FAAH2: variants seen among roughly 807,000 people sequenced by gnomAD.
FAAH2 encodes the protein fatty acid amide hydrolase 2, also known as fatty-acid amide hydrolase 2.
In FAAH2, 60 loss-of-function variants were observed where a neutral mutation model predicts 36.9. The observed-to-expected ratio is 1.63, with a 90% CI of 1.32 to 2.02. FAAH2 has a LOEUF of 2.02. Among genes scored for constraint, FAAH2 ranks in the 30% most tolerant of loss-of-function variants. The pLI, the probability that FAAH2 is intolerant of heterozygous loss-of-function variation, is 0.00. For missense variants in FAAH2, 689 were observed against 397.5 expected (o/e 1.73, Z -6.23); for synonymous variants, 214 against 143.8 (o/e 1.49, Z -3.49).
intron 10 of FAAH2, among the ~76,000 whole-genome samples, chrX:57,469,745 G>C (rs185134047): frequency 9.0e-6 from 1 of 111,431 alleles, no homozygotes; most frequent in South Asian, 3.8e-4. Context: ...TGCACCAAGC[G>C]GACCTAATAG....
chrX:57,418,985 G>C (rs1168092119), intron 7 of FAAH2, among the ~76,000 whole-genome samples: 2 of 102,784 alleles, frequency 1.9e-5, no homozygotes, highest in African/African-American at 7.2e-5. Context: ...TTTTGTCCTT[G>C]TGATAGTTTA....
intron 5 of FAAH2, among the ~76,000 whole-genome samples, chrX:57,359,289 A>G (rs1230789377): frequency 1.8e-5 from 2 of 111,302 alleles, no homozygotes; most frequent in Non-Finnish European, 3.8e-5. Flanking sequence ...CAACCTGTTT[A>G]TATAGCTTTT....
intron 3 of FAAH2, among the ~76,000 whole-genome samples, chrX:57,317,550 C>T (rs930551315): frequency 5.4e-5 from 6 of 111,383 alleles, no homozygotes; most frequent in Non-Finnish European, 9.4e-5. Context: ...GACTTAGAGT[C>T]CTACACCATA....
At chrX:57,239,893 CT>C in the FAAH2 span, among the ~76,000 whole-genome samples, 16 of 111,713 alleles carry the variant, frequency 1.4e-4, no homozygotes, top group Non-Finnish European at 2.3e-4. Context: ...CAGTTTTGTT[CT>C]TTCTTAAAAT....
the FAAH2 span, among the ~76,000 whole-genome samples, chrX:57,125,480 A>T: frequency 9.0e-6 from 1 of 111,546 alleles, no homozygotes; most frequent in Non-Finnish European, 1.9e-5. Context: ...GTATTCATGT[A>T]TTTAACAAGC....
intron 10 of FAAH2, among the ~76,000 whole-genome samples, chrX:57,484,245 C>T (rs1476174181): frequency 9.0e-6 from 1 of 111,099 alleles, no homozygotes; most frequent in Non-Finnish European, 1.9e-5. Flanking sequence ...GTGGTGTTCC[C>T]TATGCCCTGA....
chrX:57,350,569 C>G (rs2053972680), intron 5 of FAAH2, among the ~76,000 whole-genome samples: 1 of 110,486 alleles, frequency 9.1e-6, no homozygotes, highest in Non-Finnish European at 1.9e-5. Flanking sequence ...TACAGATTGA[C>G]AAAATGGTAA....
At position 57,378,761 on chromosome X, in the gene FAAH2, G is replaced by A; in HGVS notation, c.853G>A (p.Val285Ile). ...YAEDLAPMLK[V>I]MAGPGIKRLK... ...TGAAGACCTGGCCCCCATGTTGAAG[G>A]TCATGGCAGGACCTGGGATCAAAAG... is the stretch of plus-strand genomic sequence containing the variant. The change falls in exon 6 of 11, where the codon GTC becomes ATC. Residue 285 changes from valine to isoleucine, a missense_variant. Transcript: ENST00000374900. 1 of 1,210,098 alleles carries A rather than the reference G, an allele frequency of 8.3e-7. No homozygotes were observed.
chrX:57,290,674 TTC>T (rs1396132901), intron 1 of FAAH2, among the ~76,000 whole-genome samples: 1 of 111,676 alleles, frequency 9.0e-6, no homozygotes, highest in African/African-American at 3.2e-5. Context: ...CCTATTTTAT[TTC>T]TGTTATTAAA....
intron 1 of FAAH2, among the ~76,000 whole-genome samples, chrX:57,291,517 A>G (rs1381803936): frequency 8.9e-6 from 1 of 112,025 alleles, no homozygotes; most frequent in East Asian, 2.8e-4. Flanking sequence ...TTTAAAACCA[A>G]ATTTAATGCT....
At chrX:57,300,349 A>T (rs2052312751) in intron 2 of FAAH2, among the ~76,000 whole-genome samples, 1 of 112,060 alleles carries the variant, frequency 8.9e-6, no homozygotes, top group South Asian at 3.7e-4. Flanking sequence ...AAAAACAAGC[A>T]ATGCGGAAAG....
the FAAH2 span, among the ~76,000 whole-genome samples, chrX:57,187,183 G>A: frequency 1.8e-5 from 2 of 111,503 alleles, no homozygotes; most frequent in South Asian, 7.4e-4. Context: ...AATATTGATT[G>A]TTTCTATCCA....
chrX:57,478,441 C>T (rs1336196426), intron 10 of FAAH2, among the ~76,000 whole-genome samples: 6 of 111,075 alleles, frequency 5.4e-5, no homozygotes, highest in East Asian at 5.7e-4. Context: ...TTGTAGGTTG[C>T]CTGTTCACTC....
chrX:57,146,746 C>T, the FAAH2 span, among the ~76,000 whole-genome samples: 2 of 111,846 alleles, frequency 1.8e-5, no homozygotes, highest in East Asian at 5.6e-4. Context: ...CTCTTCTATG[C>T]TGATTTTGCT....
chrX:57,274,322 C>T, the FAAH2 span, among the ~76,000 whole-genome samples: 1 of 111,823 alleles, frequency 8.9e-6, no homozygotes, highest in African/African-American at 3.3e-5. Context: ...CCGAATTCTA[C>T]CAGAGGAACA....
chrX:57,425,548 T>C (rs1602621394), intron 7 of FAAH2, among the ~76,000 whole-genome samples: 1 of 111,784 alleles, frequency 8.9e-6, no homozygotes, highest in African/African-American at 3.2e-5. Context: ...CCTGAAGAAA[T>C]TGAAGTTCTA....
chrX:57,240,512 G>A, the FAAH2 span, among the ~76,000 whole-genome samples: 2 of 111,639 alleles, frequency 1.8e-5, no homozygotes, highest in Non-Finnish European at 3.8e-5. Flanking sequence ...GCATGCTTGT[G>A]TCAGCAGGAT....
chrX:57,264,450 A>T, the FAAH2 span, among the ~76,000 whole-genome samples: 40,946 of 111,892 alleles, frequency 0.37, 6,330 homozygotes, highest in Middle Eastern at 0.62. Context: ...ATCATTGATC[A>T]TTAGAGAAAT....
At chrX:57,401,967 G>A (rs2055447166) in intron 7 of FAAH2, among the ~76,000 whole-genome samples, 1 of 111,487 alleles carries the variant, frequency 9.0e-6, no homozygotes, top group African/African-American at 3.3e-5. Context: ...GAAGTATCTA[G>A]TGACTGGCTG....
Sources: allele counts gnomAD v4.1 joint callset (sites outside exome capture counted in the v4.1 genomes callset), GRCh38; gene constraint gnomAD v4.1.1; transcripts MANE v1.5; gene names NCBI Gene and HGNC (gene_info 2026-07-23, HGNC 2026-07-21).